Variants in GNG12 observed in about 807,000 individuals in gnomAD.
The protein encoded by GNG12 is G protein subunit gamma 12.
For synonymous variants in GNG12, 28 were observed against 29.7 expected (o/e 0.94, Z 0.19); for missense variants, 69 against 83.8 (o/e 0.82, Z 0.69).
intron 1 of GNG12, among the ~76,000 whole-genome samples, chr1:67,828,397 C>T (rs1013488068): frequency 2.0e-5 from 3 of 152,198 alleles, no homozygotes; most frequent in African/African-American, 7.2e-5. Context: ...GCACCTCCAT[C>T]TCCGTGCAGA....
chr1:67,797,805 CGA>C (rs1646840947), intron 1 of GNG12, among the ~76,000 whole-genome samples: 1 of 152,142 alleles, frequency 6.6e-6, no homozygotes, highest in East Asian at 1.9e-4. Context: ...TAGCATTTAA[CGA>C]GAGAACCATC....
chr1:67,786,428 G>A (rs773473065), intron 1 of GNG12, among the ~76,000 whole-genome samples: 13 of 152,112 alleles, frequency 8.5e-5, no homozygotes, highest in Non-Finnish European at 1.9e-4. Context: ...TTTTGAGAAA[G>A]ATCTAGCATA....
intron 2 of GNG12, among the ~76,000 whole-genome samples, chr1:67,728,715 G>A (rs1646401418): frequency 6.6e-6 from 1 of 152,124 alleles, no homozygotes; most frequent in African/African-American, 2.4e-5. Context: ...ATGGGAGAGA[G>A]GCAGGGCAGG....
At chr1:67,805,760 C>T (rs1378243603) in intron 1 of GNG12, among the ~76,000 whole-genome samples, 2 of 151,184 alleles carry the variant, frequency 1.3e-5, no homozygotes, top group Non-Finnish European at 3.0e-5. Context: ...ACTGAAAATT[C>T]CCCCAAATTA....
chr1:67,771,324 T>C (rs1423466834), intron 2 of GNG12, among the ~76,000 whole-genome samples: 1 of 152,222 alleles, frequency 6.6e-6, no homozygotes, highest in East Asian at 1.9e-4. Context: ...TAACAACTCC[T>C]TGAGGCGGAT....
At chr1:67,709,651 C>T (rs867929431) in intron 2 of GNG12, among the ~76,000 whole-genome samples, 9 of 150,636 alleles carry the variant, frequency 6.0e-5, no homozygotes, top group Non-Finnish European at 1.3e-4. Context: ...AAAAGAGAGG[C>T]CTAGGGTCTC....
At chr1:67,797,178 A>T (rs1646836183) in intron 1 of GNG12, among the ~76,000 whole-genome samples, 1 of 152,176 alleles carries the variant, frequency 6.6e-6, no homozygotes, top group African/African-American at 2.4e-5. Context: ...ACCTCAGCTA[A>T]CCACATTTCA....
chr1:67,790,331 CACAA>C (rs1472636812), intron 1 of GNG12, among the ~76,000 whole-genome samples: 1 of 152,156 alleles, frequency 6.6e-6, no homozygotes, highest in Non-Finnish European at 1.5e-5. Context: ...TTCTGAACTA[CACAA>C]ACAATCTGCT....
At chr1:67,710,012 TTA>T (rs1225385093) in intron 2 of GNG12, among the ~76,000 whole-genome samples, 2 of 37,844 alleles carry the variant, frequency 5.3e-5, no homozygotes, top group Admixed American at 4.7e-4. Flanking sequence ...ATATATATAG[TTA>T]TATATATAGT....
chr1:67,784,457 AAAT>A (rs1390398941), intron 1 of GNG12, among the ~76,000 whole-genome samples: 2 of 152,008 alleles, frequency 1.3e-5, no homozygotes, highest in Admixed American at 6.5e-5. Flanking sequence ...CCTAAAACTT[AAAT>A]AATAAAAAAA....
At chr1:67,777,436 GT>G in intron 2 of GNG12, 21 bp downstream of exon 2, 2 of 803,186 alleles carry the variant, frequency 2.5e-6, no homozygotes, top group Non-Finnish European at 3.0e-6. Context: ...CAGTCACTTT[GT>G]TTAAGAAATG....
At chr1:67,745,149 A>G (rs1370067592) in intron 2 of GNG12, among the ~76,000 whole-genome samples, 11 of 152,224 alleles carry the variant, frequency 7.2e-5, no homozygotes, top group Non-Finnish European at 1.0e-4. Context: ...TAAAAATGTA[A>G]AACTTTCTCT....
At chr1:67,823,277 G>A (rs1646993963) in intron 1 of GNG12, among the ~76,000 whole-genome samples, 1 of 152,222 alleles carries the variant, frequency 6.6e-6, no homozygotes, top group African/African-American at 2.4e-5. Flanking sequence ...TTGAGAGGGA[G>A]AAATTCTAGG....
chr1:67,715,678 G>A (rs1646321341), intron 2 of GNG12, among the ~76,000 whole-genome samples: 1 of 152,116 alleles, frequency 6.6e-6, no homozygotes, highest in Non-Finnish European at 1.5e-5. Context: ...GTTGTTCCCA[G>A]GGACTGTATC....
At chr1:67,825,714 A>G (rs894584059) in intron 1 of GNG12, among the ~76,000 whole-genome samples, 4 of 152,174 alleles carry the variant, frequency 2.6e-5, no homozygotes, top group African/African-American at 7.2e-5. Context: ...CCTGTCCCCA[A>G]GGAAAAAGGC....
At chr1:67,743,792 G>GT (rs1646495062) in intron 2 of GNG12, among the ~76,000 whole-genome samples, 1 of 152,196 alleles carries the variant, frequency 6.6e-6, no homozygotes, top group African/African-American at 2.4e-5. Flanking sequence ...TAAGCAGGAG[G>GT]TAAGTTATGA....
chr1:67,760,987 A>T (rs78603401), intron 2 of GNG12, among the ~76,000 whole-genome samples: 1,823 of 152,324 alleles, frequency 0.012, 33 homozygotes, highest in African/African-American at 0.031. Flanking sequence ...GTGCAGGAGA[A>T]CATTTAAGTT....
chr1:67,747,434 T>C (rs1279753276), intron 2 of GNG12, among the ~76,000 whole-genome samples: 1 of 152,196 alleles, frequency 6.6e-6, no homozygotes, highest in Non-Finnish European at 1.5e-5. Context: ...AAAAATCTAT[T>C]GAGTGTTCGA....
intron 2 of GNG12, among the ~76,000 whole-genome samples, chr1:67,740,328 T>C (rs1265016914): frequency 2.0e-5 from 3 of 152,244 alleles, no homozygotes; most frequent in Non-Finnish European, 4.4e-5. Flanking sequence ...CCTGCTGATC[T>C]GGGGCAGGGG....
Sources: gnomAD v4.1 joint callset for allele counts (sites outside exome capture counted in the v4.1 genomes callset) on GRCh38, gnomAD v4.1.1 for gene constraint, MANE v1.5 for transcripts, NCBI Gene and HGNC (gene_info 2026-07-23, HGNC 2026-07-21) for gene names.